Variants in ASH2L observed in about 807,000 individuals in gnomAD.
The protein encoded by ASH2L is set1/Ash2 histone methyltransferase complex subunit ASH2.
ASH2L carries 30 observed loss-of-function variants against 81.1 expected under a neutral mutation model. The ratio of observed to expected loss-of-function variants is 0.37; its 90% confidence interval spans 0.28 to 0.50. The LOEUF (loss-of-function observed/expected upper bound fraction) is 0.50, where lower values mean the gene tolerates loss of function less well. Ranked by LOEUF, ASH2L falls within the 20% of genes least tolerant of loss-of-function variation. ASH2L has a pLI of 0.95. For synonymous variants in ASH2L, 273 were observed against 279.9 expected, an observed-to-expected ratio of 0.98 and a Z score of 0.24; for missense variants, 559 against 792.1, an observed-to-expected ratio of 0.71 and a Z score of 3.53.
chr8:38,120,391 G>GGT (rs1811087247), intron 9 of ASH2L, among the ~76,000 whole-genome samples: 1 of 151,986 alleles, frequency 6.6e-6, no homozygotes, highest in Admixed American at 6.6e-5. Flanking sequence ...CTAAAGCTGA[G>GGT]GTGATGAAAT....
chr8:38,117,552 A>G (rs1207893898), intron 8 of ASH2L: 1 of 820,322 alleles, frequency 1.2e-6, no homozygotes, highest in South Asian at 5.6e-5. Flanking sequence ...GAGCTATGGT[A>G]GAAGCTAAAA....
rs1419868428 is a variant in ASH2L at position 38,105,581 on chromosome 8, G to A, written c.31G>A (p.Glu11Lys). The A allele has an allele frequency of 6.3e-7, 1 of 1,587,922 alleles. No individual in the cohort carries two copies. Among genetic ancestry groups the A allele is most frequent in the East Asian group, 2.3e-5 (1 of 43,152 alleles). Residue 11 changes from glutamate (E) to lysine (K), a missense_variant, in exon 1 of 16, where the codon GAA becomes AAA. Physicochemically the swap from Glu to Lys is moderately conservative, Grantham distance 56. Coordinates refer to ENST00000343823, the MANE Select transcript of ASH2L (RefSeq NM_004674.5). Reference sequence around the variant, plus strand: ...GGCGGCAGGAGCAGGACCTGGCCAGGAAGCGGGTGCCGGGCCTGGCCCAGG... The same window carrying A: ...GGCGGCAGGAGCAGGACCTGGCCAGAAAGCGGGTGCCGGGCCTGGCCCAGG... MAAAGAGPGQ[E>K]AGAGPGPGAV...
intron 5 of ASH2L, among the ~76,000 whole-genome samples, chr8:38,111,231 T>C (rs1810667671): frequency 1.3e-5 from 2 of 151,876 alleles, no homozygotes; most frequent in Non-Finnish European, 2.9e-5. Flanking sequence ...GCACCTGGAC[T>C]GTTGTGTTTT....
rs369991556 is a variant in ASH2L, at chr8:38,106,403, G to A, written c.214G>A (p.Gly72Ser). ...GGEANLVDVS[G>S]GLETESSNGK... ...GGAGGCAAACTTGGTCGATGTAAGCGGTGGCTTGGAGACAGAATCATCTAA... is the reference window on the plus strand; with the variant it reads ...GGAGGCAAACTTGGTCGATGTAAGCAGTGGCTTGGAGACAGAATCATCTAA... The change falls in exon 2 of 16, where the codon GGT becomes AGT. Residue 72 changes from glycine (G) to serine (S), a missense_variant. This residue lies in a region of ASH2L where 145 missense variants were observed against 115.5 expected (regional missense o/e 1.26). Coordinates refer to ENST00000343823, the MANE Select transcript of ASH2L (RefSeq NM_004674.5). 3 of 1,613,980 alleles carry A rather than the reference G, an allele frequency of 1.9e-6. No individual in the cohort carries two copies. The highest frequency in any genetic ancestry group is 1.3e-5 in the African/African-American group (1 of 74,902).
At chr8:38,106,858 C>T (rs890557943) in intron 2 of ASH2L, among the ~76,000 whole-genome samples, 163 bp from the exon 3 acceptor site, 3 of 150,750 alleles carry the variant, frequency 2.0e-5, no homozygotes, top group Admixed American at 6.6e-5. Flanking sequence ...AGGCCAGGCA[C>T]GGTGGCTCAT....
chr8:38,126,853 C>CAAAAAAAAA lies in ASH2L; in HGVS notation c.1166-1432_1166-1431insAAAAAAAAA, dbSNP rs57920604. 3.2e-4 allele frequency among the ~76,000 whole-genome samples: 42 copies of CAAAAAAAAA among 129,758 alleles called. 1 individual carries two copies. The highest frequency in any genetic ancestry group is 4.0e-4 in the Non-Finnish European group (25 of 62,546). 85.1% of individuals were successfully genotyped at this position (129,758 alleles called of 152,430 possible). On this transcript the variant is annotated intron_variant, in intron 10 of 15. Transcript: ENST00000343823. ...TGGGCAAAAGAGCGAGACTCTGTCT[C>CAAAAAAAAA]AAAAAAGAAAGAAAGTTTGAAATTG...
chr8:38,114,658 T>C (rs1405252230), intron 6 of ASH2L: 1 of 461,002 alleles, frequency 2.2e-6, no homozygotes, highest in Non-Finnish European at 3.8e-6. Context: ...AACAGCAAGC[T>C]GTTAACAGTG....
At chr8:38,124,422 G>A (rs1237116958) in intron 10 of ASH2L, 1 of 152,168 alleles carries the variant, frequency 6.6e-6, no homozygotes, top group African/African-American at 2.4e-5. Context: ...TGTTGCCCAG[G>A]ATGGTCTTGA....
chr8:38,129,075 T>A, intron 12 of ASH2L, 124 bp downstream of exon 12: 2 of 1,387,342 alleles, frequency 1.4e-6, no homozygotes, highest in Non-Finnish European at 1.9e-6. Context: ...AACCTGTTGC[T>A]ATGACATTTT....
chr8:38,122,179 G>C (rs547296302), intron 10 of ASH2L, among the ~76,000 whole-genome samples: 5 of 152,154 alleles, frequency 3.3e-5, no homozygotes, highest in African/African-American at 1.2e-4. Flanking sequence ...GCTTTGGCAA[G>C]TAGGAGCTTC....
intron 3 of ASH2L, among the ~76,000 whole-genome samples, chr8:38,108,788 CA>C (rs1036070086): frequency 1.4e-5 from 2 of 146,378 alleles, no homozygotes; most frequent in Admixed American, 6.8e-5. Flanking sequence ...GACTCCGTCT[CA>C]AAAAAAAAGG....
intron 10 of ASH2L, among the ~76,000 whole-genome samples, chr8:38,121,491 A>G (rs573123947): frequency 7.2e-4 from 110 of 151,818 alleles, no homozygotes; most frequent in Non-Finnish European, 1.0e-3. Flanking sequence ...AGAAAACCAT[A>G]GTACAGTTAT....
At position 38,121,333 on chromosome 8, in the gene ASH2L, TTATATATATATA is replaced by T. The variant is rs71216649; in HGVS notation, c.1165+218_1165+229del. ...TTCCTATAAGCTCCAGCCGTTTTAT[TTATATATATATA>T]TATATATATATATATATATATATAT... On this transcript the variant is annotated intron_variant, in intron 10 of 15. Coordinates refer to ENST00000343823, the MANE Select transcript of ASH2L (RefSeq NM_004674.5). 4.2e-3 allele frequency among the ~76,000 whole-genome samples: 252 copies of T among 59,656 alleles called. 1 individual carries two copies. Among genetic ancestry groups the T allele is most frequent in the African/African-American group, 0.015 (239 of 15,906 alleles). 39.1% of individuals were successfully genotyped at this position (59,656 alleles called of 152,430 possible). A position where few individuals can be genotyped will look rare whatever the true frequency, so the allele number is the denominator to read the frequency against.
At position 38,116,732 on chromosome 8, in the gene ASH2L, G is replaced by A. The variant is rs1296587632; in HGVS notation, c.853+7G>A. On this transcript the variant is annotated splice_region_variant and intron_variant, in intron 8 of 15. Coordinates refer to ENST00000343823, the MANE Select transcript of ASH2L (RefSeq NM_004674.5). ...ACTAGTGGGAATTTAAATGGTAAGT[G>A]TTTACATATCTCATTGCTGAAATAT... The A allele has an allele frequency of 6.2e-7, 1 of 1,606,838 alleles. No individual in the cohort carries two copies. The highest frequency in any genetic ancestry group is 1.1e-5 in the South Asian group (1 of 90,578).
At chr8:38,134,996 AC>A (rs1448055301) in intron 13 of ASH2L, among the ~76,000 whole-genome samples, 2 of 152,084 alleles carry the variant, frequency 1.3e-5, no homozygotes, top group African/African-American at 4.8e-5. Context: ...GAATTGATAA[AC>A]AAGCACGCTT....
At position 38,121,019 on chromosome 8, in the gene ASH2L, A is replaced by G. The variant is rs764968216; in HGVS notation, c.1035A>G (p.Leu345=). 6.2e-7 allele frequency: 1 copy of G among 1,613,662 alleles called. No individual in the cohort carries two copies. The highest frequency in any genetic ancestry group is 8.5e-7 in the Non-Finnish European group (1 of 1,179,934). The change falls in exon 10 of 16, where the codon CTA becomes CTG. Residue 345 remains leucine, a synonymous_variant. Coordinates refer to ENST00000343823, the MANE Select transcript of ASH2L (RefSeq NM_004674.5). ...ACAAAGATGGCTATCGGTATATTCT[A>G]GCTGAGCCTGATCCGCACGCCCCTG... ...PFNKDGYRYI[L]AEPDPHAPDP...
rs376252386 is a variant in ASH2L at position 38,139,294 on chromosome 8, G to C, written c.*223G>C. The C allele has an allele frequency of 9.4e-4, 456 of 486,488 alleles. 1 individual carries two copies. The highest frequency in any genetic ancestry group is 7.1e-3 in the African/African-American group (374 of 52,418). The allele number at this position is 486,488 out of a possible 1,614,324, so 30.1% of individuals were successfully genotyped here. On this transcript the variant is annotated 3_prime_UTR_variant, in exon 16 of 16. Coordinates refer to ENST00000343823, the MANE Select transcript of ASH2L (RefSeq NM_004674.5). Reference sequence around the variant, plus strand: ...TTTTGTGTACCATAAGCCAACAACCGCTGACTCCAGGATTGCATAAGCCCC... The same window carrying C: ...TTTTGTGTACCATAAGCCAACAACCCCTGACTCCAGGATTGCATAAGCCCC...
intron 3 of ASH2L, among the ~76,000 whole-genome samples, chr8:38,107,847 A>G (rs1252967805): frequency 6.6e-6 from 1 of 150,538 alleles, no homozygotes; most frequent in Non-Finnish European, 1.5e-5. Context: ...ACCTTGGGTG[A>G]GATTGTGAAG....
Position 38,114,333 on chromosome 8 carries a change from G to GT in ASH2L, c.681+52dup, listed in dbSNP as rs541131994. ...TAGACTTGACATTTAAAAAACCATT[G>GT]TTTTTTGTAAGAATTCAATAATATC... On this transcript the variant is annotated intron_variant, in intron 6 of 15. Transcript: ENST00000343823. The GT allele has an allele frequency of 3.8e-3, 4,682 of 1,230,556 alleles. 17 individuals carry two copies. Among genetic ancestry groups the GT allele is most frequent in the Non-Finnish European group, 4.5e-3 (3,887 of 860,802 alleles). The allele number at this position is 1,230,556 out of a possible 1,614,324, so 76.2% of individuals were successfully genotyped here. A position where few individuals can be genotyped will look rare whatever the true frequency, so the allele number is the denominator to read the frequency against.
Sources: gnomAD v4.1 joint callset for allele counts (sites outside exome capture counted in the v4.1 genomes callset) on GRCh38, gnomAD v4.1.1 for gene constraint, gnomAD v4.1.1 regional missense constraint, MANE v1.5 for transcripts, NCBI Gene and HGNC (gene_info 2026-07-23, HGNC 2026-07-21) for gene names.